FBXO25: variants seen among roughly 807,000 people sequenced by gnomAD.
FBXO25 encodes F-box protein 25.
A neutral mutation model predicts 51.9 loss-of-function variants in FBXO25; 45 were observed. The observed-to-expected ratio is 0.87, with a 90% CI of 0.68 to 1.11. The LOEUF is 1.11. FBXO25 is among the 50% of genes most tolerant of loss of function. The probability of loss-of-function intolerance (pLI) is 0.00; values close to 1 mark genes in which losing one functional copy is unlikely to be tolerated. For missense variants in FBXO25, 507 were observed against 428.5 expected (o/e 1.18, Z -1.62); for synonymous variants, 199 against 151.0 (o/e 1.32, Z -2.33).
At chr8:428,663 A>T (rs542067953) in intron 2 of FBXO25, among the ~76,000 whole-genome samples, 1 of 152,066 alleles carries the variant, frequency 6.6e-6, no homozygotes, top group African/African-American at 2.4e-5. Context: ...CATCTTCCCA[A>T]ACTGAAACTC....
At chr8:447,228 G>A (rs1274492292) in intron 5 of FBXO25, among the ~76,000 whole-genome samples, 1 of 152,152 alleles carries the variant, frequency 6.6e-6, no homozygotes, top group Non-Finnish European at 1.5e-5. Context: ...AGGGACATGG[G>A]CTGTGGGGTC....
intron 1 of FBXO25, among the ~76,000 whole-genome samples, chr8:411,139 A>G (rs978575004): frequency 1.3e-4 from 20 of 152,210 alleles, no homozygotes. Context: ...TCTATATTAT[A>G]AAATACTCAA....
At chr8:423,836 A>C (rs1196190718) in intron 2 of FBXO25, among the ~76,000 whole-genome samples, 1 of 152,182 alleles carries the variant, frequency 6.6e-6, no homozygotes, top group African/African-American at 2.4e-5. Flanking sequence ...ATAGAATGGT[A>C]GTTCTATTTT....
chr8:464,013 A>G (rs1355894267), intron 9 of FBXO25, among the ~76,000 whole-genome samples: 3 of 152,012 alleles, frequency 2.0e-5, no homozygotes, highest in Admixed American at 6.6e-5. Context: ...TCACCCAGGC[A>G]GTTATGGGTG....
chr8:453,725 A>G (rs2116747335), intron 7 of FBXO25, among the ~76,000 whole-genome samples: 1 of 152,278 alleles, frequency 6.6e-6, no homozygotes, highest in African/African-American at 2.4e-5. Context: ...AAGTCCAAGC[A>G]CACCGCCTGA....
At chr8:408,604 A>G (rs766018441) in intron 1 of FBXO25, among the ~76,000 whole-genome samples, 1 of 152,258 alleles carries the variant, frequency 6.6e-6, no homozygotes, top group African/African-American at 2.4e-5. Context: ...TGCGTAGCCT[A>G]TGGTAAGCTC....
At chr8:465,427 T>G (rs1314869271) in intron 9 of FBXO25, among the ~76,000 whole-genome samples, 1 of 152,218 alleles carries the variant, frequency 6.6e-6, no homozygotes, top group Non-Finnish European at 1.5e-5. Flanking sequence ...GAAAATACCA[T>G]TCATAGAAGG....
chr8:447,360 C>G (rs1187358391), intron 5 of FBXO25, among the ~76,000 whole-genome samples: 1 of 152,078 alleles, frequency 6.6e-6, no homozygotes, highest in East Asian at 1.9e-4. Context: ...CTAGGAAGTC[C>G]CACCTCACTC....
rs1392217550 is a variant in FBXO25, at chr8:473,610, A to T, written c.*4806A>T. 1.1e-4 allele frequency: 16 copies of T among 152,258 alleles called. No individual in the cohort carries two copies. The highest frequency in any genetic ancestry group is 7.3e-5 in the Non-Finnish European group (5 of 68,104). 9.4% of individuals were successfully genotyped at this position (152,258 alleles called of 1,614,324 possible). On this transcript the variant is annotated 3_prime_UTR_variant, in exon 10 of 10. Transcript: ENST00000350302. ...AAATCCACAGAGTGACAAAGAACAG[A>T]GATGCCCAGAGCACCAGCTGGAGGG...
chr8:438,224 C>G (rs2117684833), intron 5 of FBXO25, among the ~76,000 whole-genome samples: 1 of 151,946 alleles, frequency 6.6e-6, no homozygotes, highest in South Asian at 2.1e-4. Flanking sequence ...CTGGCTAATT[C>G]TTTTTTGTAT....
At position 463,100 on chromosome 8, in the gene FBXO25, T is replaced by G; in HGVS notation, c.937T>G (p.Tyr313Asp). 1.2e-6 allele frequency: 2 copies of G among 1,614,014 alleles called. No homozygotes were observed. Among genetic ancestry groups the G allele is most frequent in the Non-Finnish European group, 1.7e-6 (2 of 1,180,002 alleles). Residue 313 changes from tyrosine to aspartate, a missense_variant, in exon 9 of 10, where the codon TAC becomes GAC. Transcript: ENST00000350302. ...LQKHYPAKEQYGDTLHFCRHC... is the reference protein window; with the variant it reads ...LQKHYPAKEQDGDTLHFCRHC... ...GAAACATTACCCAGCGAAGGAGCAGTACGGAGACACACTGCATTTCTGTCG... is the reference window on the plus strand; with the variant it reads ...GAAACATTACCCAGCGAAGGAGCAGGACGGAGACACACTGCATTTCTGTCG...
chr8:434,513 T>C (rs1228190114), intron 4 of FBXO25, among the ~76,000 whole-genome samples: 1 of 152,194 alleles, frequency 6.6e-6, no homozygotes, highest in African/African-American at 2.4e-5. Flanking sequence ...TGTTGAGTTG[T>C]GCACCCGTCA....
At chr8:414,826 C>T (rs1430742111) in intron 2 of FBXO25, among the ~76,000 whole-genome samples, 2 of 152,188 alleles carry the variant, frequency 1.3e-5, no homozygotes, top group Non-Finnish European at 2.9e-5. Flanking sequence ...CTAGTCAGCA[C>T]CACCTTTTAC....
At chr8:441,798 AC>A (rs1296583354) in intron 5 of FBXO25, among the ~76,000 whole-genome samples, 1 of 152,236 alleles carries the variant, frequency 6.6e-6, no homozygotes, top group Non-Finnish European at 1.5e-5. Context: ...GCAAATCAAA[AC>A]CACAATGACA....
At chr8:460,634 C>G (rs994735564) in intron 8 of FBXO25, among the ~76,000 whole-genome samples, 1 of 152,180 alleles carries the variant, frequency 6.6e-6, no homozygotes, top group South Asian at 2.1e-4. Context: ...TCAGAAAAAT[C>G]ACAGATGGTT....
At chr8:459,780 G>T (rs1799688460) in intron 8 of FBXO25, among the ~76,000 whole-genome samples, 1 of 152,180 alleles carries the variant, frequency 6.6e-6, no homozygotes, top group Admixed American at 6.5e-5. Flanking sequence ...CCTGGGCAGG[G>T]CCTCAGGGCA....
intron 9 of FBXO25, chr8:467,999 T>A (rs1800296295): frequency 7.5e-7 from 1 of 1,340,268 alleles, no homozygotes; most frequent in Admixed American, 3.4e-5. Context: ...GCATAAACAC[T>A]TCACCACACA....
At chr8:414,105 C>T (rs1213250078) in intron 2 of FBXO25, among the ~76,000 whole-genome samples, 1 of 152,134 alleles carries the variant, frequency 6.6e-6, no homozygotes, top group Non-Finnish European at 1.5e-5. Context: ...TAACTTTAGG[C>T]CAGAGACTGG....
intron 2 of FBXO25, among the ~76,000 whole-genome samples, chr8:416,090 T>G (rs11993771): frequency 1.3e-5 from 2 of 152,020 alleles, no homozygotes; most frequent in African/African-American, 4.8e-5. Context: ...TTTATTTGCT[T>G]TTTTCACTTG....
Sources: gnomAD v4.1 joint callset for allele counts (sites outside exome capture counted in the v4.1 genomes callset) on GRCh38, gnomAD v4.1.1 for gene constraint, MANE v1.5 for transcripts, NCBI Gene and HGNC (gene_info 2026-07-23, HGNC 2026-07-21) for gene names.